The following HHAT variants were observed in gnomAD, a reference collection of about 807,000 sequenced individuals.
The protein encoded by HHAT is protein-cysteine N-palmitoyltransferase HHAT.
Under a neutral mutation model 70.8 loss-of-function variants are expected in HHAT, and 47 were observed. The observed-to-expected ratio is 0.66, with a 90% CI of 0.53 to 0.85. The LOEUF (loss-of-function observed/expected upper bound fraction) is 0.85, where lower values mean the gene tolerates loss of function less well. HHAT is among the 40% of genes least tolerant of loss of function. HHAT has a pLI of 0.00. For missense variants in HHAT, 609 were observed against 604.8 expected, an observed-to-expected ratio of 1.01 and a Z score of -0.07; for synonymous variants, 228 against 247.6, an observed-to-expected ratio of 0.92 and a Z score of 0.74.
At chr1:210,652,381 T>C (rs1675337518) in intron 11 of HHAT, among the ~76,000 whole-genome samples, 1 of 152,066 alleles carries the variant, frequency 6.6e-6, no homozygotes, top group Non-Finnish European at 1.5e-5. Context: ...AGTAAGGAAG[T>C]TGGTTTTGAT....
chr1:210,532,315 A>G (rs1249631095), intron 9 of HHAT, among the ~76,000 whole-genome samples: 1 of 152,196 alleles, frequency 6.6e-6, no homozygotes, highest in African/African-American at 2.4e-5. Context: ...AAATGCAGAT[A>G]TGTATTGTTT....
At chr1:210,615,337 G>A (rs758496815) in intron 10 of HHAT, among the ~76,000 whole-genome samples, 16 of 152,230 alleles carry the variant, frequency 1.1e-4, no homozygotes, top group Non-Finnish European at 2.1e-4. Context: ...TTAGCCATTC[G>A]TCTAATCTTT....
intron 9 of HHAT, among the ~76,000 whole-genome samples, chr1:210,573,051 G>A (rs1656730044): frequency 6.6e-6 from 1 of 152,136 alleles, no homozygotes; most frequent in South Asian, 2.1e-4. Flanking sequence ...ATCCAATTAG[G>A]GAAGACAGAT....
chr1:210,586,306 G>T (rs1168248700), intron 9 of HHAT, among the ~76,000 whole-genome samples: 3 of 152,028 alleles, frequency 2.0e-5, no homozygotes, highest in Non-Finnish European at 4.4e-5. Flanking sequence ...TGGGTGTGGT[G>T]GTGCATGCCT....
chr1:210,450,394 T>C (rs1288331512), intron 7 of HHAT, among the ~76,000 whole-genome samples: 1 of 152,162 alleles, frequency 6.6e-6, no homozygotes, highest in Non-Finnish European at 1.5e-5. Context: ...CACTGGAGCC[T>C]TGGATACATC....
At chr1:210,658,366 G>A (rs772001514) in intron 11 of HHAT, among the ~76,000 whole-genome samples, 19 of 152,066 alleles carry the variant, frequency 1.2e-4, no homozygotes, top group Non-Finnish European at 1.8e-4. Flanking sequence ...TATATTTGCA[G>A]CAACTATCTT....
At chr1:210,600,367 T>C (rs1197639292) in intron 10 of HHAT, among the ~76,000 whole-genome samples, 1 of 152,162 alleles carries the variant, frequency 6.6e-6, no homozygotes, top group Non-Finnish European at 1.5e-5. Context: ...GAATATAGAT[T>C]GAATACCGAA....
intron 9 of HHAT, among the ~76,000 whole-genome samples, chr1:210,547,965 G>A (rs557063779): frequency 4.6e-5 from 7 of 152,318 alleles, no homozygotes; most frequent in African/African-American, 1.2e-4. Context: ...TTCATGTAGG[G>A]TGGGTATAAA....
At chr1:210,500,203 C>T (rs1005077136) in intron 8 of HHAT, among the ~76,000 whole-genome samples, 10 of 152,132 alleles carry the variant, frequency 6.6e-5, no homozygotes, top group Middle Eastern at 3.2e-3. Flanking sequence ...CAAACCATAA[C>T]GAACAGATTC....
intron 1 of HHAT, among the ~76,000 whole-genome samples, chr1:210,343,608 T>G (rs2147948898): frequency 6.6e-6 from 1 of 152,304 alleles, no homozygotes; most frequent in Middle Eastern, 3.4e-3. Flanking sequence ...AAGTACTGCC[T>G]GTCATTCCCT....
intron 8 of HHAT, among the ~76,000 whole-genome samples, chr1:210,494,834 G>A (rs1316875056): frequency 6.6e-6 from 1 of 152,142 alleles, no homozygotes; most frequent in Non-Finnish European, 1.5e-5. Flanking sequence ...TTCCAGGCAT[G>A]AGCCACTGTG....
At chr1:210,465,337 ATT>A (rs2094077375) in intron 8 of HHAT, among the ~76,000 whole-genome samples, 2 of 151,958 alleles carry the variant, frequency 1.3e-5, no homozygotes, top group African/African-American at 4.8e-5. Flanking sequence ...TCCCCCTGCC[ATT>A]TCAGATTGTT....
At chr1:210,338,616 C>T (rs149957576) in intron 1 of HHAT, among the ~76,000 whole-genome samples, 108 of 152,238 alleles carry the variant, frequency 7.1e-4, no homozygotes, top group African/African-American at 2.2e-3. Context: ...TTCTGAGGTT[C>T]GCTATTACTG....
intron 9 of HHAT, among the ~76,000 whole-genome samples, chr1:210,538,847 C>T (rs2095400777): frequency 6.6e-6 from 1 of 152,124 alleles, no homozygotes; most frequent in African/African-American, 2.4e-5. Flanking sequence ...GAGGCCGAGG[C>T]AGGTGAATCA....
chr1:210,631,044 T>C, intron 11 of HHAT: 1 of 456,750 alleles, frequency 2.2e-6, no homozygotes. Context: ...GGAGACAGCA[T>C]TCCAGGGCTT....
At chr1:210,573,462 G>T (rs1656844072) in intron 9 of HHAT, among the ~76,000 whole-genome samples, 1 of 152,168 alleles carries the variant, frequency 6.6e-6, no homozygotes, top group South Asian at 2.1e-4. Context: ...AACTCTCGTT[G>T]GCCTCCTGGA....
rs188021606 is a variant in HHAT at position 210,625,986 on chromosome 1, C to T, written c.1390+2316C>T. On this transcript the variant is annotated intron_variant, in intron 11 of 11. Transcript: ENST00000261458. The stretch of plus-strand genomic sequence containing the variant: ...CAGTGTGCACCAGCTGTCTATGGCA[C>T]AGCAGGAGAGGCACATGGGCCTGGT... 2.0e-5 allele frequency among the ~76,000 whole-genome samples: 3 copies of T among 152,228 alleles called. No homozygotes were observed. The East Asian group carries it at 5.8e-4, about 29-fold the overall frequency.
intron 7 of HHAT, among the ~76,000 whole-genome samples, chr1:210,459,097 G>A (rs1038276400): frequency 6.6e-6 from 1 of 152,154 alleles, no homozygotes; most frequent in African/African-American, 2.4e-5. Context: ...GAAGTGGCCC[G>A]TTGTTAGGCA....
chr1:210,599,914 C>T (rs1663864445), intron 10 of HHAT, among the ~76,000 whole-genome samples: 1 of 152,118 alleles, frequency 6.6e-6, no homozygotes, highest in Admixed American at 6.5e-5. Context: ...CCTCCCCCCT[C>T]ACCTCTCTGT....
Sources: gnomAD v4.1 joint callset for allele counts (sites outside exome capture counted in the v4.1 genomes callset) on GRCh38, gnomAD v4.1.1 for gene constraint, MANE v1.5 for transcripts, NCBI Gene and HGNC (gene_info 2026-07-23, HGNC 2026-07-21) for gene names.